Variants in PCDHA5 observed in about 807,000 individuals in gnomAD.
The protein encoded by PCDHA5 is protocadherin alpha 5, also known as protocadherin alpha-5.
In PCDHA5, 43 loss-of-function variants were observed where a neutral mutation model predicts 61.6. That is an observed-to-expected ratio of 0.70 (90% CI 0.55 to 0.90). PCDHA5 has a LOEUF of 0.90. PCDHA5 is among the 40% of genes least tolerant of loss of function. The probability of loss-of-function intolerance (pLI) is 0.00; values close to 1 mark genes in which losing one functional copy is unlikely to be tolerated. For missense variants in PCDHA5, 1,298 were observed against 1,222.7 expected, an observed-to-expected ratio of 1.06 and a Z score of -0.92; for synonymous variants, 627 against 543.9, an observed-to-expected ratio of 1.15 and a Z score of -2.13.
rs150205860 is a variant in PCDHA5 at position 140,883,142 on chromosome 5, G to T, written c.2352+59015G>T. The T allele has an allele frequency of 3.1e-6, 5 of 1,613,886 alleles. No individual in the cohort carries two copies. In the African/African-American group the frequency reaches 6.7e-5, roughly 22 times the overall value. On this transcript the variant is annotated intron_variant, in intron 1 of 3. Transcript: ENST00000529859. ...GCCTGTATGGCCTGCAGTGGTATAT[G>T]CATTTACCATAAATCCGAACAATGG...
intron 1 of PCDHA5, among the ~76,000 whole-genome samples, chr5:140,934,604 G>C (rs1389000917): frequency 6.6e-6 from 1 of 151,762 alleles, no homozygotes; most frequent in Non-Finnish European, 1.5e-5. Context: ...TCAACTATTT[G>C]ATTAGCCTGA....
chr5:140,937,953 T>G (rs955302275), intron 1 of PCDHA5, among the ~76,000 whole-genome samples: 5 of 152,174 alleles, frequency 3.3e-5, no homozygotes, highest in South Asian at 2.1e-4. Flanking sequence ...TGGCTTTTGT[T>G]GAAAGTATAT....
At chr5:140,857,777 A>C in intron 1 of PCDHA5, 1 of 1,597,518 alleles carries the variant, frequency 6.3e-7, no homozygotes, top group South Asian at 1.1e-5. Flanking sequence ...CGGTGCAGTC[A>C]GTGAGCTGGT....
At chr5:140,877,909 C>G in intron 1 of PCDHA5, 4 of 1,432,580 alleles carry the variant, frequency 2.8e-6, no homozygotes, top group Non-Finnish European at 3.7e-6. Context: ...TAACTACATT[C>G]TCTCATTTTT....
At chr5:140,828,580 C>T (rs2150157078) in intron 1 of PCDHA5, 2 of 1,614,212 alleles carry the variant, frequency 1.2e-6, no homozygotes, top group African/African-American at 1.3e-5. Flanking sequence ...CAGATGTTGG[C>T]TCAAATTCCA....
chr5:140,946,165 G>C (rs1554217364), intron 1 of PCDHA5, among the ~76,000 whole-genome samples: 1 of 151,838 alleles, frequency 6.6e-6, no homozygotes, highest in Non-Finnish European at 1.5e-5. Context: ...TTAAAAGATG[G>C]GTAAAGGATG....
intron 1 of PCDHA5, among the ~76,000 whole-genome samples, chr5:140,844,991 A>G (rs1435563145): frequency 2.0e-5 from 3 of 149,284 alleles, no homozygotes; most frequent in South Asian, 4.3e-4. Flanking sequence ...AAATCTTTTA[A>G]TCACTTATGA....
chr5:140,971,295 G>C (rs2096467939), intron 1 of PCDHA5, among the ~76,000 whole-genome samples: 2 of 152,232 alleles, frequency 1.3e-5, no homozygotes, highest in South Asian at 4.1e-4. Flanking sequence ...TATGTACTTT[G>C]GTACACAAAC....
intron 1 of PCDHA5, chr5:140,927,019 T>C: frequency 6.2e-7 from 1 of 1,612,660 alleles, no homozygotes; most frequent in Non-Finnish European, 8.5e-7. Flanking sequence ...CTCCGCGGAC[T>C]TGAGGCTGCC....
At chr5:140,863,176 A>G (rs199525571) in intron 1 of PCDHA5, 25 of 723,868 alleles carry the variant, frequency 3.5e-5, no homozygotes, top group South Asian at 2.0e-4. Flanking sequence ...GCTGACTGCC[A>G]CCGTCACCGT....
intron 1 of PCDHA5, among the ~76,000 whole-genome samples, chr5:140,951,382 G>A (rs246042): frequency 0.56 from 85,615 of 151,810 alleles, 24,753 homozygotes; most frequent in African/African-American, 0.69. Context: ...CCCAAGACTC[G>A]GTAATTTATA....
At chr5:140,829,044 T>C in intron 1 of PCDHA5, 1 of 1,613,140 alleles carries the variant, frequency 6.2e-7, no homozygotes. Context: ...TTATACAAAA[T>C]CCTCATTGAC....
chr5:140,862,092 C>G (rs987479365), intron 1 of PCDHA5: 1 of 156,922 alleles, frequency 6.4e-6, no homozygotes, highest in African/African-American at 2.4e-5. Context: ...AGCCCTTTTT[C>G]GCATAGATTC....
chr5:140,946,611 A>AATATATATATATATATATATATAT (rs1554217734), intron 1 of PCDHA5, among the ~76,000 whole-genome samples: 1,222 of 86,096 alleles, frequency 0.014, 42 homozygotes, highest in African/African-American at 0.029. Context: ...GAAAATGTGA[A>AATATATATATATATATATATATAT]ATATATATAT....
chr5:141,002,246 C>G (rs1217451636), intron 3 of PCDHA5, among the ~76,000 whole-genome samples: 1 of 152,190 alleles, frequency 6.6e-6, no homozygotes, highest in Non-Finnish European at 1.5e-5. Flanking sequence ...CTTTATTAAC[C>G]TCAGCACTGA....
At chr5:140,968,810 G>C in intron 1 of PCDHA5, 1 of 1,614,186 alleles carries the variant, frequency 6.2e-7, no homozygotes, top group Non-Finnish European at 8.5e-7. Flanking sequence ...AGCTGTGGTG[G>C]ATAGGGTTTC....
At chr5:140,902,044 AT>A (rs1222362795) in intron 1 of PCDHA5, among the ~76,000 whole-genome samples, 1 of 152,016 alleles carries the variant, frequency 6.6e-6, no homozygotes, top group Admixed American at 6.6e-5. Flanking sequence ...TTGTATGTTG[AT>A]TTTGTATCCT....
chr5:140,952,010 C>A (rs1188540877), intron 1 of PCDHA5, among the ~76,000 whole-genome samples: 2 of 152,128 alleles, frequency 1.3e-5, no homozygotes, highest in Non-Finnish European at 2.9e-5. Flanking sequence ...GAATTATAGG[C>A]CCCATGCAAG....
chr5:140,996,372 G>A (rs898606404), intron 3 of PCDHA5, among the ~76,000 whole-genome samples: 1 of 152,180 alleles, frequency 6.6e-6, no homozygotes, highest in Non-Finnish European at 1.5e-5. Context: ...TTTTGTTGTC[G>A]GCTGAAATAA....
Sources: allele counts gnomAD v4.1 joint callset (sites outside exome capture counted in the v4.1 genomes callset), GRCh38; gene constraint gnomAD v4.1.1; transcripts MANE v1.5; gene names NCBI Gene and HGNC (gene_info 2026-07-23, HGNC 2026-07-21).